ADAM29: variants seen among roughly 807,000 people sequenced by gnomAD.
ADAM29 encodes the protein disintegrin and metalloproteinase domain-containing protein 29.
For missense variants in ADAM29, 969 were observed against 1,001.8 expected (o/e 0.97, Z 0.44); for synonymous variants, 367 against 342.3 (o/e 1.07, Z -0.80).
intron 3 of ADAM29, among the ~76,000 whole-genome samples, 197 bp from the exon 4 acceptor site, chr4:174,936,735 AC>A (rs1251206856): frequency 3.3e-5 from 5 of 152,020 alleles, no homozygotes; most frequent in African/African-American, 1.2e-4. Flanking sequence ...ATGTCATGTC[AC>A]CAAAAAGACA....
intron 4 of ADAM29, among the ~76,000 whole-genome samples, chr4:174,957,834 T>C (rs1745590940): frequency 6.6e-6 from 1 of 151,836 alleles, no homozygotes; most frequent in Non-Finnish European, 1.5e-5. Context: ...ATTGACAAGG[T>C]TTAAAATGTG....
At position 174,975,724 on chromosome 4, in the gene ADAM29, A is replaced by G. The variant is rs769490189; in HGVS notation, c.199A>G (p.Ile67Val). Residue 67 changes from isoleucine to valine, a missense_variant, in exon 5 of 5, where the codon ATA becomes GTA. Ile to Val is a conservative substitution (Grantham distance 29). Transcript: ENST00000359240. ...PFGGQKHIIH[I>V]KVKKLLFSKH... ...TGGAGGCCAGAAACACATTATCCAC[A>G]TAAAGGTCAAGAAGCTTTTGTTTTC... 3.7e-6 allele frequency: 6 copies of G among 1,612,302 alleles called. No individual in the cohort carries two copies. In the South Asian group the frequency reaches 4.4e-5, roughly 12 times the overall value.
intron 4 of ADAM29, among the ~76,000 whole-genome samples, chr4:174,952,176 A>T (rs1468844491): frequency 1.3e-5 from 2 of 152,020 alleles, no homozygotes; most frequent in Admixed American, 1.3e-4. Context: ...AACCTTATTG[A>T]CTTTTTTTTT....
chr4:174,945,269 C>T (rs1228305920), intron 4 of ADAM29, among the ~76,000 whole-genome samples: 2 of 145,160 alleles, frequency 1.4e-5, no homozygotes, highest in Non-Finnish European at 3.0e-5. Context: ...GTTTCATATG[C>T]TTGTTTATCC....
intron 4 of ADAM29, among the ~76,000 whole-genome samples, chr4:174,939,235 ATC>A (rs1744381987): frequency 1.3e-5 from 2 of 152,098 alleles, no homozygotes; most frequent in Non-Finnish European, 2.9e-5. Flanking sequence ...TTCTTTTTTG[ATC>A]ATAGTACTCA....
At position 174,957,688 on chromosome 4, in the gene ADAM29, A is replaced by G. The variant is rs1193507695; in HGVS notation, c.-180-17658A>G. ...TTAATAGATAGAGGGCTGTTTGGGTACCCACAACACTTATTTTCTTACACT... is the reference window on the plus strand; with the variant it reads ...TTAATAGATAGAGGGCTGTTTGGGTGCCCACAACACTTATTTTCTTACACT... On this transcript the variant is annotated intron_variant, in intron 4 of 4. Coordinates refer to ENST00000359240, the MANE Select transcript of ADAM29 (RefSeq NM_014269.4). Among the ~76,000 whole-genome samples the G allele has an allele frequency of 2.0e-5, 3 of 151,708 alleles. No homozygotes were observed. The East Asian group carries it at 5.8e-4, about 29-fold the overall frequency.
intron 4 of ADAM29, among the ~76,000 whole-genome samples, chr4:174,937,966 C>T (rs1472317688): frequency 2.0e-5 from 3 of 151,950 alleles, no homozygotes; most frequent in Non-Finnish European, 4.4e-5. Flanking sequence ...TGTAGTCCAA[C>T]AAAAGTGTGT....
intron 4 of ADAM29, among the ~76,000 whole-genome samples, chr4:174,949,738 A>G (rs1476732742): frequency 6.6e-6 from 1 of 151,806 alleles, no homozygotes; most frequent in African/African-American, 2.4e-5. Flanking sequence ...ATCCCGTCCT[A>G]TTTCTGTTTC....
At chr4:174,973,198 T>C (rs1251362023) in intron 4 of ADAM29, among the ~76,000 whole-genome samples, 1 of 152,216 alleles carries the variant, frequency 6.6e-6, no homozygotes, top group Non-Finnish European at 1.5e-5. Context: ...AGCTAGATTG[T>C]GGTAGACCAG....
chr4:174,919,235 C>T (rs1434601116), intron 1 of ADAM29, among the ~76,000 whole-genome samples: 2 of 151,962 alleles, frequency 1.3e-5, no homozygotes, highest in African/African-American at 2.4e-5. Context: ...ATAATATATC[C>T]CAAGGAGGTA....
Position 174,977,016 on chromosome 4 carries a change from C to A in ADAM29, c.1491C>A (p.Ser497Arg). Residue 497 changes from serine (S) to arginine (R), a missense_variant, in exon 5 of 5, where the codon AGC becomes AGA. Ser to Arg is a moderately radical substitution (Grantham distance 110, BLOSUM62 -1). Transcript: ENST00000359240. Reference sequence around the variant, plus strand: ...AGAGGGGCTACTGCTATGAAAAGAGCTGTCATGACCGCAATGAACAGTGTA... The same window carrying A: ...AGAGGGGCTACTGCTATGAAAAGAGATGTCATGACCGCAATGAACAGTGTA... Reference protein sequence around the residue: ...CKERGYCYEKSCHDRNEQCRR... With the variant: ...CKERGYCYEKRCHDRNEQCRR... 6.2e-7 allele frequency: 1 copy of A among 1,614,126 alleles called. No homozygotes were observed. Among genetic ancestry groups the A allele is most frequent in the Non-Finnish European group, 8.5e-7 (1 of 1,180,026 alleles).
chr4:174,947,884 A>G (rs140080345), intron 4 of ADAM29, among the ~76,000 whole-genome samples: 7 of 152,158 alleles, frequency 4.6e-5, no homozygotes, highest in Admixed American at 4.6e-4. Context: ...AAGTCTCTTC[A>G]TATTTTTGTC....
At chr4:174,943,182 G>A (rs954203735) in intron 4 of ADAM29, among the ~76,000 whole-genome samples, 5 of 152,092 alleles carry the variant, frequency 3.3e-5, no homozygotes, top group Admixed American at 6.5e-5. Flanking sequence ...TTGATCAAAC[G>A]CATTCAGCAA....
intron 4 of ADAM29, among the ~76,000 whole-genome samples, chr4:174,967,514 A>T (rs1733704667): frequency 6.9e-6 from 1 of 144,878 alleles, no homozygotes; most frequent in South Asian, 2.3e-4. Context: ...ATCCTTTAAA[A>T]ATCTGTAATA....
chr4:174,963,773 C>T (rs1745994856), intron 4 of ADAM29, among the ~76,000 whole-genome samples: 2 of 152,126 alleles, frequency 1.3e-5, no homozygotes, highest in Admixed American at 6.5e-5. Context: ...ACCTCTGCCT[C>T]CTGGGTTCAA....
chr4:174,925,735 G>T (rs560105006), intron 2 of ADAM29, among the ~76,000 whole-genome samples: 1 of 152,208 alleles, frequency 6.6e-6, no homozygotes, highest in Non-Finnish European at 1.5e-5. Flanking sequence ...ACGTAGTTTC[G>T]TAAAGACTTG....
intron 4 of ADAM29, among the ~76,000 whole-genome samples, chr4:174,970,760 A>G (rs1180113846): frequency 6.6e-6 from 1 of 152,192 alleles, no homozygotes; most frequent in Non-Finnish European, 1.5e-5. Flanking sequence ...TTGCCAAAAC[A>G]TTCCATGAAA....
chr4:174,967,150 T>C (rs1230419209), intron 4 of ADAM29, among the ~76,000 whole-genome samples: 2 of 152,194 alleles, frequency 1.3e-5, no homozygotes, highest in Non-Finnish European at 2.9e-5. Context: ...TTTGAGTTTG[T>C]TTTAAATCAG....
Position 174,978,159 on chromosome 4 carries a change from A to G in ADAM29, c.*171A>G. Reference sequence around the variant, plus strand: ...CAAAAACTGTATCCAGAAAAGGTACATTAAAAAAATAATTCCTAGTATGTT... The same window carrying G: ...CAAAAACTGTATCCAGAAAAGGTACGTTAAAAAAATAATTCCTAGTATGTT... On this transcript the variant is annotated 3_prime_UTR_variant, in exon 5 of 5. Coordinates refer to ENST00000359240, the MANE Select transcript of ADAM29 (RefSeq NM_014269.4). 9.3e-7 allele frequency: 1 copy of G among 1,075,026 alleles called. No homozygotes were observed. Among genetic ancestry groups the G allele is most frequent in the South Asian group, 1.7e-5 (1 of 59,898 alleles). 66.6% of individuals were successfully genotyped at this position (1,075,026 alleles called of 1,614,324 possible). A position where few individuals can be genotyped will look rare whatever the true frequency, so the allele number is the denominator to read the frequency against.
Sources: gnomAD v4.1 joint callset for allele counts (sites outside exome capture counted in the v4.1 genomes callset) on GRCh38, gnomAD v4.1.1 for gene constraint, MANE v1.5 for transcripts, NCBI Gene and HGNC (gene_info 2026-07-23, HGNC 2026-07-21) for gene names.